ANO2: variants seen among roughly 807,000 people sequenced by gnomAD.
The protein encoded by ANO2 is anoctamin 2, also known as anoctamin-2.
In ANO2, 101 loss-of-function variants were observed where a neutral mutation model predicts 124.2. The ratio of observed to expected loss-of-function variants is 0.81; its 90% CI spans 0.69 to 0.96. The LOEUF is 0.96. Among genes scored for constraint, ANO2 ranks in the 40% least tolerant of loss-of-function variants. The probability of loss-of-function intolerance (pLI) is 0.00; values close to 1 mark genes in which losing one functional copy is unlikely to be tolerated. For missense variants in ANO2, 1,293 were observed against 1,274.5 expected (o/e 1.01, Z -0.22); for synonymous variants, 486 against 482.5 (o/e 1.01, Z -0.09).
intron 3 of ANO2, among the ~76,000 whole-genome samples, chr12:5,898,828 C>T (rs1428958943): frequency 6.6e-6 from 1 of 152,140 alleles, no homozygotes. Flanking sequence ...TCTAGTTTGT[C>T]CACTCAGTGA....
chr12:5,721,536 C>T (rs1950237884), intron 14 of ANO2, among the ~76,000 whole-genome samples: 1 of 149,880 alleles, frequency 6.7e-6, no homozygotes, highest in South Asian at 2.1e-4. Flanking sequence ...GGCAGAGACT[C>T]GCTTTGTCAC....
chr12:5,883,569 T>C (rs959134772), intron 3 of ANO2, among the ~76,000 whole-genome samples: 2 of 151,482 alleles, frequency 1.3e-5, no homozygotes, highest in Admixed American at 6.6e-5. Context: ...CCAGGGTCTC[T>C]GGACGTTCTG....
intron 16 of ANO2, 57 bp from the exon 17 acceptor site, chr12:5,615,354 G>A (rs1315859762): frequency 1.5e-6 from 2 of 1,345,302 alleles, no homozygotes; most frequent in East Asian, 2.4e-5. Flanking sequence ...CCTCTCCAGA[G>A]TTTTGACCTA....
chr12:5,808,510 A>T (rs536797487), intron 7 of ANO2, among the ~76,000 whole-genome samples: 33 of 152,244 alleles, frequency 2.2e-4, no homozygotes, highest in Admixed American at 2.2e-3. Flanking sequence ...ACGAGGATCC[A>T]CATTTAATCA....
intron 4 of ANO2, among the ~76,000 whole-genome samples, chr12:5,846,383 A>T (rs187642338): frequency 6.6e-6 from 1 of 152,334 alleles, no homozygotes; most frequent in African/African-American, 2.4e-5. Context: ...CAATGACAAC[A>T]AATAAACAAG....
intron 5 of ANO2, among the ~76,000 whole-genome samples, chr12:5,831,627 T>A (rs12581411): frequency 1.3e-5 from 2 of 151,936 alleles, no homozygotes; most frequent in African/African-American, 2.4e-5. Flanking sequence ...GGTAAATATA[T>A]GCAAATGAAA....
intron 3 of ANO2, among the ~76,000 whole-genome samples, chr12:5,881,513 G>A (rs1463101872): frequency 6.6e-6 from 1 of 152,122 alleles, no homozygotes; most frequent in Admixed American, 6.6e-5. Flanking sequence ...ATTCAGAAGG[G>A]GCAATATTGT....
chr12:5,771,418 C>T (rs2137120850), intron 10 of ANO2, among the ~76,000 whole-genome samples: 1 of 152,122 alleles, frequency 6.6e-6, no homozygotes, highest in African/African-American at 2.4e-5. Context: ...AGCCTCCCAG[C>T]TTAAAAAGTG....
intron 7 of ANO2, among the ~76,000 whole-genome samples, chr12:5,813,810 TCA>T (rs1953512189): frequency 6.6e-6 from 1 of 152,106 alleles, no homozygotes; most frequent in South Asian, 2.1e-4. Context: ...CTCCTTTGAA[TCA>T]CAGAGTCTGG....
intron 1 of ANO2, among the ~76,000 whole-genome samples, chr12:5,936,138 T>C (rs1317692795): frequency 1.3e-5 from 2 of 152,228 alleles, no homozygotes; most frequent in African/African-American, 4.8e-5. Context: ...CAGATATAAG[T>C]CCTTTGTCTG....
At chr12:5,872,401 C>A (rs966363553) in intron 3 of ANO2, among the ~76,000 whole-genome samples, 1 of 152,084 alleles carries the variant, frequency 6.6e-6, no homozygotes, top group Admixed American at 6.5e-5. Context: ...CTATGATGAG[C>A]AACCCTTTTA....
intron 16 of ANO2, among the ~76,000 whole-genome samples, chr12:5,616,133 A>C (rs1050301275): frequency 6.6e-6 from 1 of 152,218 alleles, no homozygotes; most frequent in African/African-American, 2.4e-5. Flanking sequence ...ATGGCATGAC[A>C]AGGACAAGAG....
chr12:5,737,695 T>C (rs1950933319), intron 13 of ANO2, among the ~76,000 whole-genome samples: 1 of 151,958 alleles, frequency 6.6e-6, no homozygotes, highest in Non-Finnish European at 1.5e-5. Flanking sequence ...GTCTCTCTCA[T>C]ATATATGAGA....
chr12:5,675,425 G>A (rs1398395911), intron 14 of ANO2, among the ~76,000 whole-genome samples: 1 of 152,172 alleles, frequency 6.6e-6, no homozygotes, highest in Non-Finnish European at 1.5e-5. Context: ...CTCAGTCTCA[G>A]CTTAAATCAG....
At chr12:5,945,353 C>T (rs530861637), upstream of ANO2, 7 of 914,894 alleles carry the variant, frequency 7.7e-6, no homozygotes, top group South Asian at 1.9e-4. Flanking sequence ...CCTCCTCCCC[C>T]ATCCCTCCCG....
intron 7 of ANO2, among the ~76,000 whole-genome samples, chr12:5,816,550 T>C (rs751077530): frequency 1.3e-5 from 2 of 152,154 alleles, no homozygotes; most frequent in Non-Finnish European, 2.9e-5. Context: ...ACTCCTACTC[T>C]GTAGCATCCC....
chr12:5,806,016 G>C, intron 9 of ANO2, 36 bp downstream of exon 9: 1 of 1,608,194 alleles, frequency 6.2e-7, no homozygotes, highest in Non-Finnish European at 8.5e-7. Context: ...AGTCTCGCAT[G>C]CCCAAAGTCC....
chr12:5,823,948 C>T (rs774682164), intron 7 of ANO2, among the ~76,000 whole-genome samples: 119 of 152,354 alleles, frequency 7.8e-4, no homozygotes, highest in Non-Finnish European at 8.7e-4. Flanking sequence ...TTGGGGCTTC[C>T]GTCCTCTGAA....
At chr12:5,613,699 T>G (rs982804118) in intron 17 of ANO2, among the ~76,000 whole-genome samples, 2 of 152,198 alleles carry the variant, frequency 1.3e-5, no homozygotes, top group African/African-American at 4.8e-5. Flanking sequence ...CGTTCATAAC[T>G]GTTCCCCCAA....
Sources: gnomAD v4.1 joint callset for allele counts (sites outside exome capture counted in the v4.1 genomes callset) on GRCh38, gnomAD v4.1.1 for gene constraint, MANE v1.5 for transcripts, NCBI Gene and HGNC (gene_info 2026-07-23, HGNC 2026-07-21) for gene names.